The following CEP295 variants were observed in gnomAD, a reference collection of about 807,000 sequenced individuals.
The protein encoded by CEP295 is centrosomal protein 295.
A neutral mutation model predicts 291.6 loss-of-function variants in CEP295; 190 were observed. The observed-to-expected ratio is 0.65, with a 90% CI of 0.58 to 0.73. CEP295 has a LOEUF of 0.73. Ranked by LOEUF, CEP295 falls within the 30% of genes least tolerant of loss-of-function variation. The pLI, the probability that CEP295 is intolerant of heterozygous loss-of-function variation, is 0.00. For missense variants in CEP295, 2,863 were observed against 2,949.4 expected (o/e 0.97, Z 0.68); for synonymous variants, 993 against 1,038.8 (o/e 0.96, Z 0.85).
chr11:93,721,917 T>G (rs746393373), intron 19 of CEP295, 37 bp from the exon 20 acceptor site: 15 of 1,426,180 alleles, frequency 1.1e-5, no homozygotes, highest in Non-Finnish European at 1.5e-5. Flanking sequence ...ACATACTACT[T>G]GCTACATTGT....
chr11:93,728,091 C>T (rs902668264), intron 24 of CEP295: 1 of 157,090 alleles, frequency 6.4e-6, no homozygotes, highest in Non-Finnish European at 1.4e-5. Context: ...GTATTGGAAA[C>T]CTGCTCCTCA....
intron 18 of CEP295, among the ~76,000 whole-genome samples, chr11:93,720,314 A>C (rs1003432185): frequency 1.3e-5 from 2 of 152,010 alleles, no homozygotes; most frequent in South Asian, 4.2e-4. Flanking sequence ...CTCTACTAAA[A>C]ATAGAAAAAT....
chr11:93,697,466 G>C lies in CEP295; in HGVS notation c.2554G>C (p.Glu852Gln), dbSNP rs1951900611. 6.4e-7 allele frequency: 1 copy of C among 1,551,928 alleles called. No homozygotes were observed. The highest frequency in any genetic ancestry group is 1.4e-5 in the African/African-American group (1 of 73,044). The change falls in exon 15 of 30, where the codon GAA (glutamate) becomes CAA (glutamine). Residue 852 changes from glutamate to glutamine, a missense_variant. Glu to Gln is a conservative substitution (Grantham distance 29, BLOSUM62 2). Coordinates refer to ENST00000325212, the MANE Select transcript of CEP295 (RefSeq NM_033395.2). ...GCAAGGTAATATGAAGGCCCTCCAAGAACAGTTAGACCTACAGAAGAAAGT... is the reference window on the plus strand; with the variant it reads ...GCAAGGTAATATGAAGGCCCTCCAACAACAGTTAGACCTACAGAAGAAAGT... ...AQQGNMKALQ[E>Q]QLDLQKKVLQ...
intron 25 of CEP295, 96 bp downstream of exon 25, chr11:93,728,917 A>G: frequency 8.8e-7 from 1 of 1,131,660 alleles, no homozygotes. Context: ...GGAGGGAATT[A>G]TGCTATGCAT....
chr11:93,729,052 AATCTTATACACCT>A (rs1436145090), intron 25 of CEP295: 2 of 528,714 alleles, frequency 3.8e-6, no homozygotes, highest in African/African-American at 3.8e-5. Context: ...TGGCAGAACT[AATCTTATACACCT>A]AGTGTTATAG....
At chr11:93,681,403 A>ATTT (rs71064773) in intron 7 of CEP295, among the ~76,000 whole-genome samples, 10,722 of 36,226 alleles carry the variant, frequency 0.3, 3,911 homozygotes, top group Middle Eastern at 0.5. Context: ...CACCCAGCTA[A>ATTT]TTTTTTTTTT....
intron 18 of CEP295, 82 bp downstream of exon 18, chr11:93,706,979 T>G: frequency 2.5e-6 from 3 of 1,209,482 alleles, no homozygotes; most frequent in Non-Finnish European, 3.4e-6. Flanking sequence ...TTTGTAATGG[T>G]GAAAAATGGT....
chr11:93,699,772 C>G lies in CEP295; in HGVS notation c.4860C>G (p.Pro1620=). 1 of 1,552,024 alleles carries G rather than the reference C, an allele frequency of 6.4e-7. No individual in the cohort carries two copies. The change falls in exon 15 of 30, where the codon CCC becomes CCG. Residue 1620 remains proline, a synonymous_variant. Coordinates refer to ENST00000325212, the MANE Select transcript of CEP295 (RefSeq NM_033395.2). The part of the protein sequence containing the change: ...QREVMYSYEK[P]QEELSLNKQR... Reference sequence around the variant, plus strand: ...AAGTGATGTATTCTTATGAGAAACCCCAGGAAGAACTGTCTTTAAACAAAC... The same window carrying G: ...AAGTGATGTATTCTTATGAGAAACCGCAGGAAGAACTGTCTTTAAACAAAC...
At chr11:93,666,867 T>C in intron 2 of CEP295, 52 bp downstream of exon 2, 1 of 1,015,454 alleles carries the variant, frequency 9.8e-7, no homozygotes, top group Non-Finnish European at 1.5e-6. Flanking sequence ...TCAAATTACT[T>C]GTATTCTTTT....
Position 93,698,501 on chromosome 11 carries a change from A to AT in CEP295, c.3592dup (p.Ser1198PhefsTer3). ...CACAGAAAGTGAATTGGAGAAAAGA[A>AT]TTTCTTCTGAACAGACTGGCACCTC... On this transcript the variant is annotated frameshift_variant, in exon 15 of 30. Transcript: ENST00000325212. LOFTEE classifies it high-confidence loss of function. 6.4e-7 allele frequency: 1 copy of AT among 1,551,978 alleles called. No homozygotes were observed. Among genetic ancestry groups the AT allele is most frequent in the South Asian group, 1.2e-5 (1 of 84,060 alleles).
chr11:93,729,763 A>G lies in CEP295; in HGVS notation c.7549A>G (p.Lys2517Glu), dbSNP rs1330653642. The change falls in exon 27 of 30, where the codon AAA becomes GAA. Residue 2517 changes from lysine (K) to glutamate (E), a missense_variant. Physicochemically the swap from Lys to Glu is moderately conservative, Grantham distance 56. Transcript: ENST00000325212. Reference protein sequence around the residue: ...VSENSQIKTVKEKPSISSSVS... With the variant: ...VSENSQIKTVEEKPSISSSVS... ...TGAAAATTCTCAAATCAAAACAGTT[A>G]AAGAGAAACCATCTATAAGTATGTT... The G allele has an allele frequency of 2.6e-5, 40 of 1,546,456 alleles. No homozygotes were observed. The East Asian group carries it at 8.1e-4, about 31-fold the overall frequency.
At chr11:93,700,239 A>G (rs1478887569) in intron 15 of CEP295, 53 bp downstream of exon 15, 1 of 1,388,506 alleles carries the variant, frequency 7.2e-7, no homozygotes, top group East Asian at 2.5e-5. Context: ...AACCCAAATC[A>G]GTTTTTAATA....
At chr11:93,667,562 A>T (rs1565426298) in intron 2 of CEP295, 45 bp from the exon 3 acceptor site, 1 of 1,412,022 alleles carries the variant, frequency 7.1e-7, no homozygotes. Context: ...AAAAAAGTTT[A>T]AGTAAACCTC....
chr11:93,690,105 A>G (rs2135026908), intron 10 of CEP295, among the ~76,000 whole-genome samples: 1 of 152,272 alleles, frequency 6.6e-6, no homozygotes. Context: ...TCAATCCGTG[A>G]CCAAGTTCTT....
intron 19 of CEP295, 44 bp downstream of exon 19, chr11:93,721,456 G>A (rs1342935367): frequency 1.7e-6 from 2 of 1,189,242 alleles, no homozygotes; most frequent in Non-Finnish European, 2.5e-6. Flanking sequence ...GAGCTGTTTG[G>A]CTTCGTATTC....
intron 6 of CEP295, among the ~76,000 whole-genome samples, chr11:93,677,631 C>G (rs972413250): frequency 1.3e-5 from 2 of 152,120 alleles, no homozygotes; most frequent in Non-Finnish European, 2.9e-5. Context: ...AGTTACGTAG[C>G]ATTTTTTTCA....
Position 93,696,388 on chromosome 11 carries a change from C to T in CEP295, c.1740C>T (p.Asn580=). The T allele has an allele frequency of 6.5e-7, 1 of 1,548,898 alleles. No individual in the cohort carries two copies. The highest frequency in any genetic ancestry group is 8.7e-7 in the Non-Finnish European group (1 of 1,144,674). Residue 580 remains asparagine (N), a synonymous_variant, in exon 14 of 30, where the codon AAC becomes AAT. Coordinates refer to ENST00000325212, the MANE Select transcript of CEP295 (RefSeq NM_033395.2). ...ATAGTCATAGGCAGATGATTCGTAACTATCAACATCAGCTTTTACAACAAA... is the reference window on the plus strand; with the variant it reads ...ATAGTCATAGGCAGATGATTCGTAATTATCAACATCAGCTTTTACAACAAA... ...DEDSHRQMIR[N]YQHQLLQQNR...
chr11:93,685,979 G>A (rs574831570), intron 9 of CEP295, among the ~76,000 whole-genome samples: 1 of 151,826 alleles, frequency 6.6e-6, no homozygotes, highest in African/African-American at 2.4e-5. Context: ...AAAGTGCTGG[G>A]ATTACAGGCA....
At chr11:93,704,113 A>AT (rs1385946134) in intron 17 of CEP295, among the ~76,000 whole-genome samples, 3 of 151,776 alleles carry the variant, frequency 2.0e-5, no homozygotes, top group Non-Finnish European at 2.9e-5. Context: ...GAATTTCATA[A>AT]TTTTTTTTAG....
Sources: gnomAD v4.1 joint callset for allele counts (sites outside exome capture counted in the v4.1 genomes callset) on GRCh38, gnomAD v4.1.1 for gene constraint, MANE v1.5 for transcripts, NCBI Gene and HGNC (gene_info 2026-07-23, HGNC 2026-07-21) for gene names.